RIMS2: variants seen among roughly 807,000 people sequenced by gnomAD.
RIMS2 encodes the protein regulating synaptic membrane exocytosis protein 2.
Under a neutral mutation model 174.4 loss-of-function variants are expected in RIMS2, and 59 were observed. That is an observed-to-expected ratio of 0.34 (90% CI 0.27 to 0.42). The LOEUF (loss-of-function observed/expected upper bound fraction) is 0.42. Ranked by LOEUF, RIMS2 falls within the 10% of genes least tolerant of loss-of-function variation. The probability of loss-of-function intolerance (pLI) is 1.00; values close to 1 mark genes in which losing one functional copy is unlikely to be tolerated. For synonymous variants in RIMS2, 606 were observed against 572.5 expected, an observed-to-expected ratio of 1.06 and a Z score of -0.84; for missense variants, 1,620 against 1,666.3, an observed-to-expected ratio of 0.97 and a Z score of 0.48.
intron 17 of RIMS2, among the ~76,000 whole-genome samples, chr8:103,991,158 T>G (rs977966613): frequency 5.3e-5 from 8 of 151,634 alleles, no homozygotes; most frequent in African/African-American, 1.9e-4. Flanking sequence ...TTTAAAAAAT[T>G]TATAAATCTT....
intron 19 of RIMS2, among the ~76,000 whole-genome samples, chr8:104,225,136 C>T (rs545059204): frequency 1.3e-5 from 2 of 152,100 alleles, no homozygotes; most frequent in African/African-American, 4.8e-5. Flanking sequence ...ATTATTAGTC[C>T]GGCACTGTTC....
intron 19 of RIMS2, among the ~76,000 whole-genome samples, chr8:104,085,198 C>T (rs1433497333): frequency 6.6e-6 from 1 of 152,168 alleles, no homozygotes; most frequent in Middle Eastern, 3.2e-3. Context: ...CAGCCCAGGG[C>T]TGGTACTATT....
intron 3 of RIMS2, among the ~76,000 whole-genome samples, chr8:103,875,092 GAGC>G (rs2099129654): frequency 6.6e-6 from 1 of 152,026 alleles, no homozygotes; most frequent in Non-Finnish European, 1.5e-5. Context: ...TTTACTTCAA[GAGC>G]AGAATTATTA....
At chr8:103,726,323 C>T (rs1456167459) in intron 2 of RIMS2, among the ~76,000 whole-genome samples, 9 of 152,140 alleles carry the variant, frequency 5.9e-5, no homozygotes, top group African/African-American at 1.9e-4. Flanking sequence ...TATCTTCTCT[C>T]TGTCTGCGGC....
intron 1 of RIMS2, among the ~76,000 whole-genome samples, chr8:103,530,028 A>G (rs1230347500): frequency 1.3e-5 from 2 of 152,212 alleles, no homozygotes; most frequent in Admixed American, 6.5e-5. Context: ...AAAGATGAAA[A>G]GGATAAATGT....
At chr8:103,725,425 T>C (rs1009287041) in intron 2 of RIMS2, among the ~76,000 whole-genome samples, 20 of 152,240 alleles carry the variant, frequency 1.3e-4, no homozygotes, top group African/African-American at 4.8e-4. Flanking sequence ...ATCACCCTTC[T>C]GACCTTATTA....
At chr8:103,739,584 A>G (rs2097734441) in intron 2 of RIMS2, among the ~76,000 whole-genome samples, 1 of 152,208 alleles carries the variant, frequency 6.6e-6, no homozygotes. Flanking sequence ...TGTGTCAGGC[A>G]TATCACTGGA....
chr8:103,710,245 G>A (rs1434906998), intron 2 of RIMS2, among the ~76,000 whole-genome samples: 1 of 151,920 alleles, frequency 6.6e-6, no homozygotes, highest in Non-Finnish European at 1.5e-5. Flanking sequence ...TAATTATAAA[G>A]CTATTTAAAA....
intron 20 of RIMS2, among the ~76,000 whole-genome samples, chr8:104,246,252 A>G (rs545565146): frequency 3.3e-5 from 5 of 152,324 alleles, no homozygotes; most frequent in African/African-American, 1.2e-4. Context: ...GGAGGGAGGG[A>G]GTAAATCTCC....
At chr8:103,842,670 T>A (rs1389454220) in intron 3 of RIMS2, among the ~76,000 whole-genome samples, 1 of 152,200 alleles carries the variant, frequency 6.6e-6, no homozygotes, top group Non-Finnish European at 1.5e-5. Flanking sequence ...GTAGAATTGC[T>A]TTTCATCATT....
chr8:103,962,897 T>G (rs532335720), intron 15 of RIMS2, among the ~76,000 whole-genome samples: 1 of 152,304 alleles, frequency 6.6e-6, no homozygotes, highest in East Asian at 1.9e-4. Context: ...TATGCTACAC[T>G]TTAACAATAC....
At chr8:104,007,157 T>C (rs1298832809) in intron 17 of RIMS2, among the ~76,000 whole-genome samples, 1 of 152,158 alleles carries the variant, frequency 6.6e-6, no homozygotes, top group African/African-American at 2.4e-5. Flanking sequence ...CTAACATTGT[T>C]TGTATGCTTC....
chr8:104,018,825 C>T (rs914467873), intron 19 of RIMS2, among the ~76,000 whole-genome samples: 3 of 152,186 alleles, frequency 2.0e-5, no homozygotes, highest in South Asian at 2.1e-4. Flanking sequence ...CAATTACAGG[C>T]TTCTCTTCTT....
intron 19 of RIMS2, among the ~76,000 whole-genome samples, chr8:104,210,177 G>T (rs915850666): frequency 3.9e-5 from 6 of 152,138 alleles, no homozygotes; most frequent in African/African-American, 1.4e-4. Context: ...GAAAGCTGTG[G>T]AGAAAGTAAA....
chr8:103,511,401 A>C (rs1280953059), intron 1 of RIMS2, among the ~76,000 whole-genome samples: 1 of 152,222 alleles, frequency 6.6e-6, no homozygotes, highest in Non-Finnish European at 1.5e-5. Flanking sequence ...TTTATATTCC[A>C]GTATGAATAA....
intron 19 of RIMS2, among the ~76,000 whole-genome samples, chr8:104,144,969 C>T (rs1478312121): frequency 6.6e-6 from 1 of 152,032 alleles, no homozygotes; most frequent in African/African-American, 2.4e-5. Context: ...TCTGCTTCTC[C>T]CTCCCCATCC....
chr8:103,666,841 G>C (rs940724100), intron 1 of RIMS2, among the ~76,000 whole-genome samples: 5 of 152,086 alleles, frequency 3.3e-5, no homozygotes, highest in Non-Finnish European at 7.4e-5. Context: ...ACTACTCTTA[G>C]TTACCATCAT....
chr8:103,536,371 G>T (rs1252687460), intron 1 of RIMS2, among the ~76,000 whole-genome samples: 1 of 152,144 alleles, frequency 6.6e-6, no homozygotes, highest in African/African-American at 2.4e-5. Context: ...TAAGAAAGGA[G>T]AAGTATTAAT....
chr8:104,136,041 T>A (rs2133248065), intron 19 of RIMS2, among the ~76,000 whole-genome samples: 1 of 152,344 alleles, frequency 6.6e-6, no homozygotes, highest in South Asian at 2.1e-4. Context: ...TTAGTGTAGC[T>A]ATGTCTCGAA....
Sources: allele counts gnomAD v4.1 joint callset (sites outside exome capture counted in the v4.1 genomes callset), GRCh38; gene constraint gnomAD v4.1.1; transcripts MANE v1.5; gene names NCBI Gene and HGNC (gene_info 2026-07-23, HGNC 2026-07-21).